DNAJB6: variants seen among roughly 807,000 people sequenced by gnomAD.
The protein encoded by DNAJB6 is dnaJ homolog subfamily B member 6.
A neutral mutation model predicts 42.7 loss-of-function variants in DNAJB6; 16 were observed. The observed-to-expected ratio is 0.37, with a 90% CI of 0.25 to 0.57. DNAJB6 has a LOEUF of 0.57. Among genes scored for constraint, DNAJB6 ranks in the 20% least tolerant of loss-of-function variants. DNAJB6 has a pLI of 0.74. For synonymous variants in DNAJB6, 170 were observed against 163.5 expected (o/e 1.04, Z -0.30); for missense variants, 347 against 416.8 (o/e 0.83, Z 1.46).
At chr7:157,359,304 G>A (rs1326502271) in intron 2 of DNAJB6, among the ~76,000 whole-genome samples, 1 of 152,152 alleles carries the variant, frequency 6.6e-6, no homozygotes, top group Non-Finnish European at 1.5e-5. Flanking sequence ...ATAATGGAGT[G>A]TCTATACTGC....
chr7:157,396,903 C>A (rs1432144333), intron 8 of DNAJB6, among the ~76,000 whole-genome samples: 2 of 151,988 alleles, frequency 1.3e-5, no homozygotes, highest in Non-Finnish European at 2.9e-5. Flanking sequence ...ATGGGAAGGC[C>A]GACGCCACAG....
intron 8 of DNAJB6, among the ~76,000 whole-genome samples, chr7:157,388,246 C>T (rs868152496): frequency 6.6e-6 from 1 of 152,132 alleles, no homozygotes; most frequent in Non-Finnish European, 1.5e-5. Flanking sequence ...AATCTTACAC[C>T]TTTCATTTTT....
At chr7:157,375,724 TC>T (rs2117044709) in intron 5 of DNAJB6, among the ~76,000 whole-genome samples, 1 of 152,326 alleles carries the variant, frequency 6.6e-6, no homozygotes, top group South Asian at 2.1e-4. Context: ...ATTTGCTACT[TC>T]TGAAAATGTG....
At chr7:157,376,089 C>G (rs1800458026) in intron 5 of DNAJB6, among the ~76,000 whole-genome samples, 1 of 152,116 alleles carries the variant, frequency 6.6e-6, no homozygotes, top group African/African-American at 2.4e-5. Flanking sequence ...GGTGGGAATC[C>G]CTTCGCTTCG....
intron 5 of DNAJB6, 101 bp downstream of exon 5, chr7:157,367,584 G>C: frequency 1.3e-6 from 1 of 794,368 alleles, no homozygotes; most frequent in Non-Finnish European, 2.2e-6. Flanking sequence ...TTTTAGGCTG[G>C]GCGCGGTGGC....
rs189481561 is a variant in DNAJB6 at position 157,349,661 on chromosome 7, T to G, written c.-26-8886T>G. 2.6e-5 allele frequency among the ~76,000 whole-genome samples: 4 copies of G among 152,266 alleles called. No homozygotes were observed. The East Asian group carries it at 7.7e-4, about 29-fold the overall frequency. On this transcript the variant is annotated intron_variant, in intron 1 of 9. Transcript: ENST00000262177. ...CATGCCTGGCTAATTATTTTATTTT[T>G]TGAGACGGAGTCTCACTCTGTCATC... is the stretch of plus-strand genomic sequence containing the variant.
chr7:157,380,410 T>G (rs1386244666), intron 5 of DNAJB6: 1 of 152,242 alleles, frequency 6.6e-6, no homozygotes, highest in Non-Finnish European at 1.5e-5. Context: ...GCTTTTGTTC[T>G]TTCTTGTCTT....
intron 1 of DNAJB6, among the ~76,000 whole-genome samples, chr7:157,338,235 A>G (rs781537187): frequency 1.6e-4 from 24 of 152,160 alleles, no homozygotes; most frequent in Non-Finnish European, 3.4e-4. Flanking sequence ...AGTGTTGCGT[A>G]TCAGAACGAT....
chr7:157,357,272 TTCCGTCCTTCCTTCCG>T (rs1799343212), intron 1 of DNAJB6, among the ~76,000 whole-genome samples: 1 of 72,724 alleles, frequency 1.4e-5, no homozygotes, highest in African/African-American at 5.5e-5. Context: ...CCGTCCTTCC[TTCCGTCCTTCCTTCCG>T]TCCTTCCTTC....
chr7:157,372,038 C>T (rs967454885), intron 5 of DNAJB6: 6 of 152,258 alleles, frequency 3.9e-5, no homozygotes, highest in African/African-American at 1.4e-4. Flanking sequence ...GTATGTAGAA[C>T]CAAGGAAAGC....
intron 5 of DNAJB6, among the ~76,000 whole-genome samples, chr7:157,376,374 G>GT (rs779605834): frequency 6.6e-6 from 1 of 152,108 alleles, no homozygotes; most frequent in Non-Finnish European, 1.5e-5. Flanking sequence ...ATTCCTCAGG[G>GT]AATAGCATGA....
At chr7:157,361,662 A>G (rs1799602879) in intron 2 of DNAJB6, among the ~76,000 whole-genome samples, 1 of 152,194 alleles carries the variant, frequency 6.6e-6, no homozygotes, top group African/African-American at 2.4e-5. Context: ...TTTGAGGGGT[A>G]TGCTGCTTCT....
chr7:157,416,093 C>CT lies in DNAJB6; in HGVS notation c.976_977insT (p.His326LeufsTer6), dbSNP rs1796101540. 1 of 1,613,446 alleles carries CT rather than the reference C, an allele frequency of 6.2e-7. No individual in the cohort carries two copies. The highest frequency in any genetic ancestry group is 8.5e-7 in the Non-Finnish European group (1 of 1,179,686). On this transcript the variant is annotated frameshift_variant, in exon 10 of 10. Transcript: ENST00000262177. LOFTEE classifies it high-confidence loss of function. Reference sequence around the variant, plus strand: ...GAAGAAGAAGTCGACCAAAGGCAATCACTAGACCGGACTTGAGGCACGCGG... The same window carrying CT: ...GAAGAAGAAGTCGACCAAAGGCAATCTACTAGACCGGACTTGAGGCACGCGG...
rs1298259379 is a variant in DNAJB6, at chr7:157,355,220, C to T, written c.-26-3327C>T. 2.0e-5 allele frequency among the ~76,000 whole-genome samples: 3 copies of T among 152,190 alleles called. No homozygotes were observed. In the East Asian group the frequency reaches 5.8e-4, roughly 29 times the overall value. ...CCAGGTTGGAGTGCAGTGGCGCGGG[C>T]GCGATCTCGGCTCACTGCAGGCTCC... is the stretch of plus-strand genomic sequence containing the variant. On this transcript the variant is annotated intron_variant, in intron 1 of 9. Transcript: ENST00000262177.
intron 8 of DNAJB6, among the ~76,000 whole-genome samples, chr7:157,405,410 T>C (rs1210355238): frequency 6.6e-6 from 1 of 152,108 alleles, no homozygotes; most frequent in Non-Finnish European, 1.5e-5. Flanking sequence ...GTCTGTGCAT[T>C]CCCATATCTT....
At chr7:157,364,220 C>G (rs1407935374) in intron 3 of DNAJB6, among the ~76,000 whole-genome samples, 1 of 151,910 alleles carries the variant, frequency 6.6e-6, no homozygotes, top group Non-Finnish European at 1.5e-5. Flanking sequence ...CAAAACAAAA[C>G]CAAACCAATC....
intron 8 of DNAJB6, among the ~76,000 whole-genome samples, chr7:157,387,161 G>A (rs117813410): frequency 3.9e-5 from 6 of 152,266 alleles, no homozygotes; most frequent in East Asian, 1.9e-4. Context: ...GCAACCTCAC[G>A]TGCTGTTACT....
intron 1 of DNAJB6, 33 bp from the exon 2 acceptor site, chr7:157,358,514 G>A (rs1045114904): frequency 6.5e-5 from 93 of 1,439,290 alleles, no homozygotes; most frequent in Non-Finnish European, 3.0e-5. Context: ...ATCCCCAGCA[G>A]CCTCATCACT....
intron 8 of DNAJB6, among the ~76,000 whole-genome samples, chr7:157,390,099 C>T (rs905702220): frequency 6.6e-6 from 1 of 152,242 alleles, no homozygotes; most frequent in African/African-American, 2.4e-5. Context: ...TGGAAGCATC[C>T]CGTGAGTGCT....
Sources: allele counts gnomAD v4.1 joint callset (sites outside exome capture counted in the v4.1 genomes callset), GRCh38; gene constraint gnomAD v4.1.1; transcripts MANE v1.5; gene names NCBI Gene and HGNC (gene_info 2026-07-23, HGNC 2026-07-21).